The following RAB17 variants were observed in gnomAD, a reference collection of about 807,000 sequenced individuals.
The protein encoded by RAB17 is RAB17, member RAS oncogene family.
A neutral mutation model predicts 19.3 loss-of-function variants in RAB17; 15 were observed. The observed-to-expected ratio is 0.78, with a 90% CI of 0.52 to 1.20. The LOEUF is 1.20. RAB17 is among the 50% of genes most tolerant of loss of function. The pLI, the probability that RAB17 is intolerant of heterozygous loss-of-function variation, is 0.00. For synonymous variants in RAB17, 110 were observed against 112.8 expected (o/e 0.97, Z 0.16); for missense variants, 262 against 269.3 (o/e 0.97, Z 0.19).
At chr2:237,582,691 G>A (rs556564237) in intron 2 of RAB17, among the ~76,000 whole-genome samples, 5 of 152,332 alleles carry the variant, frequency 3.3e-5, no homozygotes, top group Non-Finnish European at 7.4e-5. Context: ...AAAAGAAGCA[G>A]GAGTGTCTGC....
At chr2:237,580,980 G>A (rs1276249306) in intron 2 of RAB17, among the ~76,000 whole-genome samples, 1 of 152,156 alleles carries the variant, frequency 6.6e-6, no homozygotes, top group African/African-American at 2.4e-5. Context: ...ACCTAGTCTC[G>A]TGCACTCCGT....
intron 5 of RAB17, 121 bp downstream of exon 5, chr2:237,575,266 G>C: frequency 9.7e-7 from 1 of 1,027,896 alleles, no homozygotes; most frequent in Non-Finnish European, 1.4e-6. Flanking sequence ...TGCCCCTCCT[G>C]GTCACCATCC....
At chr2:237,586,317 C>T (rs1398663209) in intron 1 of RAB17, among the ~76,000 whole-genome samples, 160 bp from the exon 2 acceptor site, 1 of 152,136 alleles carries the variant, frequency 6.6e-6, no homozygotes, top group East Asian at 1.9e-4. Flanking sequence ...TCCCTCTGCA[C>T]CCCATGCCCC....
chr2:237,582,523 G>T (rs569561616), intron 2 of RAB17, among the ~76,000 whole-genome samples: 3 of 152,184 alleles, frequency 2.0e-5, no homozygotes, highest in East Asian at 3.9e-4. Flanking sequence ...CCCTCCCTCG[G>T]GGATCCTGCA....
intron 2 of RAB17, 53 bp downstream of exon 2, chr2:237,585,945 A>C: frequency 6.7e-7 from 1 of 1,501,294 alleles, no homozygotes; most frequent in Non-Finnish European, 8.9e-7. Flanking sequence ...GTGGGTCAGC[A>C]GCCCAGACTT....
intron 2 of RAB17, among the ~76,000 whole-genome samples, chr2:237,583,627 C>T (rs1483246383): frequency 6.6e-6 from 1 of 152,214 alleles, no homozygotes; most frequent in Non-Finnish European, 1.5e-5. Flanking sequence ...CTAACCTAAT[C>T]TGGCTGTTCT....
chr2:237,577,693 G>A (rs1559394630), intron 3 of RAB17: 1 of 470,988 alleles, frequency 2.1e-6, no homozygotes, highest in South Asian at 3.0e-5. Flanking sequence ...ACGCCTAGCT[G>A]TCCTCAAAGG....
chr2:237,574,841 A>C lies in RAB17; in HGVS notation c.*178T>G, dbSNP rs2081248232. ...TTTCCTGGGAGCCATGTGACGCCAGATCTTCCTCTGGCAGTTCCCACTGGC... is the reference window on the plus strand; with the variant it reads ...TTTCCTGGGAGCCATGTGACGCCAGCTCTTCCTCTGGCAGTTCCCACTGGC... On this transcript the variant is annotated 3_prime_UTR_variant, in exon 6 of 6. Coordinates refer to ENST00000264601, the MANE Select transcript of RAB17 (RefSeq NM_022449.4). The C allele has an allele frequency of 3.7e-6, 3 of 817,232 alleles. No homozygotes were observed. The highest frequency in any genetic ancestry group is 4.4e-5 in the South Asian group (2 of 45,350). 50.6% of individuals were successfully genotyped at this position (817,232 alleles called of 1,614,324 possible).
chr2:237,589,338 T>C (rs1286519250), intron 1 of RAB17, among the ~76,000 whole-genome samples: 3 of 152,218 alleles, frequency 2.0e-5, no homozygotes, highest in Non-Finnish European at 2.9e-5. Context: ...TCTAGTTTTT[T>C]TCTATGACTC....
At chr2:237,581,769 C>T (rs1037119920) in intron 2 of RAB17, among the ~76,000 whole-genome samples, 2 of 152,208 alleles carry the variant, frequency 1.3e-5, no homozygotes, top group African/African-American at 4.8e-5. Flanking sequence ...GAAGGGAAGT[C>T]AGCTGGTGCC....
At chr2:237,580,512 G>C (rs1208160754) in intron 2 of RAB17, among the ~76,000 whole-genome samples, 1 of 152,104 alleles carries the variant, frequency 6.6e-6, no homozygotes, top group Non-Finnish European at 1.5e-5. Context: ...AGGCCGAGGT[G>C]GGTAGATCAC....
intron 3 of RAB17, 180 bp downstream of exon 3, chr2:237,577,824 G>A: frequency 2.9e-6 from 2 of 685,828 alleles, no homozygotes; most frequent in South Asian, 1.9e-5. Flanking sequence ...CCACGGAGGA[G>A]CAGAACCCCA....
chr2:237,587,616 G>C (rs2081360094), intron 1 of RAB17, among the ~76,000 whole-genome samples: 1 of 152,178 alleles, frequency 6.6e-6, no homozygotes, highest in Admixed American at 6.5e-5. Flanking sequence ...TCGTTCTAGA[G>C]AGAAAGTGAC....
At chr2:237,589,850 A>G (rs2149192108) in intron 1 of RAB17, among the ~76,000 whole-genome samples, 1 of 152,226 alleles carries the variant, frequency 6.6e-6, no homozygotes, top group East Asian at 1.9e-4. Flanking sequence ...CGGAGAGCAA[A>G]TCCCACATTA....
chr2:237,575,287 G>A, intron 5 of RAB17, 100 bp downstream of exon 5: 1 of 1,106,048 alleles, frequency 9.0e-7, no homozygotes, highest in Non-Finnish European at 1.3e-6. Context: ...AGTCCCTAAA[G>A]ACATTCTATG....
At position 237,575,042 on chromosome 2, in the gene RAB17, G is replaced by C. The variant is rs773609004; in HGVS notation, c.616C>G (p.Gln206Glu). The change falls in exon 6 of 6, where the codon CAG becomes GAG. Residue 206 changes from glutamine to glutamate, a missense_variant. Gln to Glu is a conservative substitution (Grantham distance 29). Coordinates refer to ENST00000264601, the MANE Select transcript of RAB17 (RefSeq NM_022449.4). ...ACCTAGTGGGCGCAGCATTTGGCCT[G>C]CCTCGCGGGCCCCTTGTTCAGAGCC... ...AVALNKGPARQAKCCAH is the reference protein window; with the variant it reads ...AVALNKGPAREAKCCAH The C allele has an allele frequency of 1.9e-6, 3 of 1,612,928 alleles. No homozygotes were observed. Among genetic ancestry groups the C allele is most frequent in the Non-Finnish European group, 2.5e-6 (3 of 1,179,498 alleles).
intron 2 of RAB17, among the ~76,000 whole-genome samples, chr2:237,583,108 AT>A (rs1477669345): frequency 3.3e-5 from 5 of 152,186 alleles, no homozygotes; most frequent in Admixed American, 6.5e-5. Flanking sequence ...CTCAAAAAAA[AT>A]AATAATAAAA....
chr2:237,575,521 G>C (rs1335140967), intron 4 of RAB17, 41 bp from the exon 5 acceptor site: 6 of 1,487,202 alleles, frequency 4.0e-6, no homozygotes, highest in Non-Finnish European at 5.6e-6. Flanking sequence ...GTTTATAAGA[G>C]AGTTTCCTAA....
At chr2:237,589,579 T>C (rs1370029099) in intron 1 of RAB17, among the ~76,000 whole-genome samples, 4 of 150,348 alleles carry the variant, frequency 2.7e-5, no homozygotes, top group Non-Finnish European at 5.9e-5. Context: ...TTATATAACT[T>C]TTTGTGTGAT....
Sources: allele counts gnomAD v4.1 joint callset (sites outside exome capture counted in the v4.1 genomes callset), GRCh38; gene constraint gnomAD v4.1.1; transcripts MANE v1.5; gene names NCBI Gene and HGNC (gene_info 2026-07-23, HGNC 2026-07-21).